The following NCOA2 variants were observed in gnomAD, a reference collection of about 807,000 sequenced individuals.
The protein encoded by NCOA2 is nuclear receptor coactivator 2.
NCOA2 carries 21 observed loss-of-function variants against 145.1 expected under a neutral mutation model. The ratio of observed to expected loss-of-function variants is 0.14; its 90% confidence interval spans 0.10 to 0.21. The LOEUF is 0.21. NCOA2 is among the 10% of genes least tolerant of loss of function. NCOA2 has a pLI of 1.00. For synonymous variants in NCOA2, 619 were observed against 637.5 expected, an observed-to-expected ratio of 0.97 and a Z score of 0.44; for missense variants, 1,472 against 1,837.6, an observed-to-expected ratio of 0.80 and a Z score of 3.64.
At chr8:70,260,401 G>A (rs1414193187) in intron 2 of NCOA2, among the ~76,000 whole-genome samples, 1 of 152,100 alleles carries the variant, frequency 6.6e-6, no homozygotes, top group Non-Finnish European at 1.5e-5. Context: ...CCAAAGTGCT[G>A]GGAGGCACCA....
At chr8:70,186,419 T>G (rs1371399846) in intron 4 of NCOA2, among the ~76,000 whole-genome samples, 2 of 152,186 alleles carry the variant, frequency 1.3e-5, no homozygotes, top group Non-Finnish European at 2.9e-5. Context: ...CCAGTCCTTA[T>G]GAACTCGGCA....
At chr8:70,207,856 C>A (rs1243280244) in intron 4 of NCOA2, among the ~76,000 whole-genome samples, 1 of 117,536 alleles carries the variant, frequency 8.5e-6, no homozygotes, top group East Asian at 2.2e-4. Context: ...GAGCCTGACT[C>A]CACCTCAAAA....
At chr8:70,279,753 G>C (rs1014523120) in intron 2 of NCOA2, among the ~76,000 whole-genome samples, 1 of 152,216 alleles carries the variant, frequency 6.6e-6, no homozygotes, top group Non-Finnish European at 1.5e-5. Flanking sequence ...TATCAGGAAA[G>C]ATCCTTTTGA....
intron 2 of NCOA2, chr8:70,273,559 A>G: frequency 1.3e-6 from 1 of 750,602 alleles, no homozygotes; most frequent in Non-Finnish European, 2.3e-6. Context: ...TTACAAACCA[A>G]GCAACAGTGA....
intron 2 of NCOA2, among the ~76,000 whole-genome samples, chr8:70,277,246 C>T (rs1825534059): frequency 1.3e-5 from 2 of 152,016 alleles, no homozygotes; most frequent in South Asian, 2.1e-4. Flanking sequence ...GCACAAATGA[C>T]AGAAGTCACT....
intron 4 of NCOA2, among the ~76,000 whole-genome samples, chr8:70,198,204 C>T (rs1237261481): frequency 2.0e-5 from 3 of 152,218 alleles, no homozygotes; most frequent in East Asian, 1.9e-4. Context: ...AAAGAGCTGT[C>T]GTGGTAATGG....
intron 10 of NCOA2, among the ~76,000 whole-genome samples, chr8:70,157,955 C>T (rs1329238151): frequency 6.6e-6 from 1 of 152,204 alleles, no homozygotes; most frequent in African/African-American, 2.4e-5. Context: ...CATCTCCTTA[C>T]TAATGACTAA....
At chr8:70,453,593 G>C in the NCOA2 span, among the ~76,000 whole-genome samples, 1 of 152,216 alleles carries the variant, frequency 6.6e-6, no homozygotes, top group Admixed American at 6.5e-5. Flanking sequence ...TTTAAATCAA[G>C]TGTTGAATAA....
At chr8:70,249,581 T>C (rs999805437) in intron 2 of NCOA2, among the ~76,000 whole-genome samples, 4 of 152,164 alleles carry the variant, frequency 2.6e-5, no homozygotes, top group South Asian at 2.1e-4. Context: ...GCCCAGTGCA[T>C]AGCATAGGAA....
chr8:70,221,483 A>T (rs865958477), intron 2 of NCOA2, among the ~76,000 whole-genome samples: 2 of 152,188 alleles, frequency 1.3e-5, no homozygotes, highest in Non-Finnish European at 2.9e-5. Flanking sequence ...TAAGTCTAAA[A>T]AACATAGTAT....
chr8:70,428,585 C>A, the NCOA2 span, among the ~76,000 whole-genome samples: 2 of 152,124 alleles, frequency 1.3e-5, no homozygotes. Flanking sequence ...GATTGCGCCA[C>A]TGCACTTTAC....
At chr8:70,266,563 T>G (rs181822230) in intron 2 of NCOA2, among the ~76,000 whole-genome samples, 7 of 152,324 alleles carry the variant, frequency 4.6e-5, no homozygotes, top group Admixed American at 4.6e-4. Flanking sequence ...GCATGGGCTT[T>G]GCTCCTTCTC....
At chr8:70,274,847 C>T (rs1372028690) in intron 2 of NCOA2, among the ~76,000 whole-genome samples, 2 of 152,170 alleles carry the variant, frequency 1.3e-5, no homozygotes, top group Non-Finnish European at 2.9e-5. Flanking sequence ...CATCGCTACT[C>T]GTGAACTCTG....
chr8:70,292,303 C>T (rs1431687639), intron 2 of NCOA2, among the ~76,000 whole-genome samples: 10 of 151,796 alleles, frequency 6.6e-5, no homozygotes, highest in African/African-American at 2.4e-4. Flanking sequence ...CAGGCACACG[C>T]CACCATGCCC....
chr8:70,400,202 C>T (rs1446863192), intron 1 of NCOA2, among the ~76,000 whole-genome samples: 1 of 152,036 alleles, frequency 6.6e-6, no homozygotes, highest in African/African-American at 2.4e-5. Context: ...ATAATAAATC[C>T]GTAATTGGTG....
chr8:70,211,741 A>G (rs1481375643), intron 4 of NCOA2, among the ~76,000 whole-genome samples: 1 of 152,234 alleles, frequency 6.6e-6, no homozygotes, highest in African/African-American at 2.4e-5. Flanking sequence ...TATTAAACAA[A>G]GACTATTCGG....
rs1439449179 is a variant in NCOA2 at position 70,162,726 on chromosome 8, T to C, written c.961A>G (p.Arg321Gly). The change falls in exon 9 of 23, where the codon AGG becomes GGG. Residue 321 changes from arginine to glycine, a missense_variant. Physicochemically the swap from Arg to Gly is moderately radical, Grantham distance 125. Around this residue, in one of 4 missense-constraint regions of NCOA2, gnomAD observed 284 missense variants for 467.8 expected, o/e 0.61. Transcript: ENST00000452400. ...HEGESVSYAKRHHHEVLRQGL... is the reference protein window; with the variant it reads ...HEGESVSYAKGHHHEVLRQGL... ...AGATGCTTACCTTCATGATGATGCC[T>C]CTTAGCATAGGACACAGATTCTCCT... 1 of 1,612,202 alleles carries C rather than the reference T, an allele frequency of 6.2e-7. No homozygotes were observed. The highest frequency in any genetic ancestry group is 1.3e-5 in the African/African-American group (1 of 74,808).
intron 4 of NCOA2, among the ~76,000 whole-genome samples, chr8:70,175,931 T>A (rs1243170235): frequency 1.3e-5 from 2 of 152,072 alleles, no homozygotes; most frequent in Admixed American, 1.3e-4. Flanking sequence ...GCCTAATTTA[T>A]GGCTGAGAAC....
intron 2 of NCOA2, among the ~76,000 whole-genome samples, chr8:70,228,023 C>T (rs1339372818): frequency 1.5e-5 from 2 of 131,334 alleles, no homozygotes; most frequent in Admixed American, 1.5e-4. Context: ...AAAAAAAAAG[C>T]CAAATTAAGC....
Sources: gnomAD v4.1 joint callset for allele counts (sites outside exome capture counted in the v4.1 genomes callset) on GRCh38, gnomAD v4.1.1 for gene constraint, gnomAD v4.1.1 regional missense constraint, MANE v1.5 for transcripts, NCBI Gene and HGNC (gene_info 2026-07-23, HGNC 2026-07-21) for gene names.